AKAP19: variants seen among roughly 807,000 people sequenced by gnomAD.
The protein encoded by AKAP19 is small A-kinase anchoring protein.
chr2:190,061,286 AAC>A, the AKAP19 span, among the ~76,000 whole-genome samples: 1 of 152,058 alleles, frequency 6.6e-6, no homozygotes, highest in Non-Finnish European at 1.5e-5. Context: ...GATAACAGGT[AAC>A]ACAAAATTTT....
At chr2:190,145,565 T>A in the AKAP19 span, among the ~76,000 whole-genome samples, 1 of 152,198 alleles carries the variant, frequency 6.6e-6, no homozygotes, top group South Asian at 2.1e-4. Flanking sequence ...ATTTTTACTG[T>A]ACCTTTTCTG....
chr2:190,168,530 T>C, the AKAP19 span, among the ~76,000 whole-genome samples: 3 of 152,168 alleles, frequency 2.0e-5, no homozygotes, highest in African/African-American at 7.2e-5. Flanking sequence ...TTCTCTTTTC[T>C]ATCGCATTGT....
chr2:190,098,211 A>G, the AKAP19 span, among the ~76,000 whole-genome samples: 2 of 152,112 alleles, frequency 1.3e-5, no homozygotes, highest in Non-Finnish European at 2.9e-5. Context: ...GTCTATGGCA[A>G]CTATAGCCTT....
chr2:190,047,699 A>G, the AKAP19 span, among the ~76,000 whole-genome samples: 6 of 152,246 alleles, frequency 3.9e-5, no homozygotes, highest in Non-Finnish European at 8.8e-5. Flanking sequence ...GAGGGAAAGT[A>G]CCAGAGATAT....
the AKAP19 span, among the ~76,000 whole-genome samples, chr2:190,113,204 G>A: frequency 1.8e-4 from 28 of 151,728 alleles, no homozygotes; most frequent in East Asian, 3.1e-3. Context: ...CTTGGTCAGC[G>A]TTTTCATTTA....
the AKAP19 span, among the ~76,000 whole-genome samples, chr2:189,886,616 G>A: frequency 6.6e-5 from 10 of 152,156 alleles, no homozygotes; most frequent in African/African-American, 9.7e-5. Context: ...GGAGGGATCA[G>A]AATAAATAAA....
chr2:190,063,030 T>C, the AKAP19 span, among the ~76,000 whole-genome samples: 2 of 152,274 alleles, frequency 1.3e-5, no homozygotes, highest in Non-Finnish European at 2.9e-5. Flanking sequence ...ACAACTCTTA[T>C]TGTAATTTAA....
the AKAP19 span, among the ~76,000 whole-genome samples, chr2:190,014,729 C>T: frequency 3.3e-5 from 5 of 151,944 alleles, no homozygotes; most frequent in African/African-American, 4.8e-5. Flanking sequence ...TTCCACTTTT[C>T]GAGCTCAAGT....
chr2:189,943,785 G>T, the AKAP19 span, among the ~76,000 whole-genome samples: 1 of 152,218 alleles, frequency 6.6e-6, no homozygotes, highest in African/African-American at 2.4e-5. Flanking sequence ...GTGGGATATG[G>T]AGTCACTGGA....
chr2:190,140,782 A>G, the AKAP19 span, among the ~76,000 whole-genome samples: 1 of 152,318 alleles, frequency 6.6e-6, no homozygotes, highest in African/African-American at 2.4e-5. Flanking sequence ...CTTGGGAATC[A>G]ACATTTGGCT....
the AKAP19 span, among the ~76,000 whole-genome samples, chr2:190,015,244 A>G: frequency 6.6e-6 from 1 of 152,200 alleles, no homozygotes; most frequent in Non-Finnish European, 1.5e-5. Flanking sequence ...TTCTGCCTGG[A>G]CATCCAGGCA....
chr2:190,042,582 C>T, the AKAP19 span, among the ~76,000 whole-genome samples: 3 of 152,020 alleles, frequency 2.0e-5, no homozygotes, highest in Non-Finnish European at 4.4e-5. Flanking sequence ...TCCTGCTTCT[C>T]TAATTCTTTC....
At chr2:189,881,188 C>T in the AKAP19 span, among the ~76,000 whole-genome samples, 1 of 152,048 alleles carries the variant, frequency 6.6e-6, no homozygotes, top group South Asian at 2.1e-4. Context: ...CATAAATAAT[C>T]AAGAGTTAAC....
chr2:189,983,668 G>A, the AKAP19 span, among the ~76,000 whole-genome samples: 3 of 152,192 alleles, frequency 2.0e-5, no homozygotes, highest in Non-Finnish European at 2.9e-5. Context: ...TTTTATGGGT[G>A]GCCCATCCTG....
chr2:189,893,969 C>T, the AKAP19 span, among the ~76,000 whole-genome samples: 17 of 152,062 alleles, frequency 1.1e-4, no homozygotes, highest in African/African-American at 2.9e-4. Flanking sequence ...ATAGGCATTA[C>T]GGGTGACTCA....
the AKAP19 span, among the ~76,000 whole-genome samples, chr2:190,185,724 G>A: frequency 1.3e-5 from 2 of 152,190 alleles, no homozygotes; most frequent in East Asian, 1.9e-4. Context: ...GACATCTATC[G>A]CCTGTTCAAC....
the AKAP19 span, among the ~76,000 whole-genome samples, chr2:190,189,401 G>GCTTCCACTT: frequency 1.3e-5 from 2 of 152,214 alleles, no homozygotes; most frequent in Non-Finnish European, 2.9e-5. Flanking sequence ...GCAAGTGGAA[G>GCTTCCACTT]AGCCAGACCT....
chr2:190,040,472 G>C, the AKAP19 span, among the ~76,000 whole-genome samples: 1 of 152,102 alleles, frequency 6.6e-6, no homozygotes, highest in African/African-American at 2.4e-5. Flanking sequence ...TAGATTGTCT[G>C]TTTACTTTGT....
chr2:189,940,043 G>A, the AKAP19 span, among the ~76,000 whole-genome samples: 1 of 152,148 alleles, frequency 6.6e-6, no homozygotes, highest in Non-Finnish European at 1.5e-5. Context: ...ACTTTGGGAG[G>A]CCGAGGTGGG....
Sources: gnomAD v4.1 joint callset for allele counts (sites outside exome capture counted in the v4.1 genomes callset) on GRCh38, gnomAD v4.1.1 for gene constraint, MANE v1.5 for transcripts, NCBI Gene and HGNC (gene_info 2026-07-23, HGNC 2026-07-21) for gene names.